The following PCNX1 variants were observed in gnomAD, a reference collection of about 807,000 sequenced individuals.
The protein encoded by PCNX1 is pecanex-like protein 1.
A neutral mutation model predicts 242.2 loss-of-function variants in PCNX1; 78 were observed. That is an observed-to-expected ratio of 0.32 (90% CI 0.27 to 0.39). PCNX1 has a LOEUF of 0.39. Among genes scored for constraint, PCNX1 ranks in the 10% least tolerant of loss-of-function variants. The pLI is 1.00. For missense variants in PCNX1, 2,581 were observed against 2,856.5 expected, an observed-to-expected ratio of 0.90 and a Z score of 2.20; for synonymous variants, 1,024 against 1,032.9, an observed-to-expected ratio of 0.99 and a Z score of 0.17.
intron 33 of PCNX1, among the ~76,000 whole-genome samples, chr14:71,106,387 C>CTTGGTT (rs1171242151): frequency 6.6e-6 from 1 of 152,144 alleles, no homozygotes; most frequent in Non-Finnish European, 1.5e-5. Context: ...TGGACAATTA[C>CTTGGTT]TTGGTTTTTC....
chr14:71,023,120 T>C (rs113665877), intron 12 of PCNX1, 80 bp from the exon 13 acceptor site: 2 of 998,262 alleles, frequency 2.0e-6, no homozygotes, highest in Non-Finnish European at 3.2e-6. Context: ...TTAAAATCAT[T>C]CATTTCAGGC....
At chr14:70,984,682 T>A (rs2058946403) in intron 6 of PCNX1, among the ~76,000 whole-genome samples, 1 of 152,036 alleles carries the variant, frequency 6.6e-6, no homozygotes, top group South Asian at 2.1e-4. Flanking sequence ...CACCGCGACC[T>A]GCCGACATCA....
intron 1 of PCNX1, among the ~76,000 whole-genome samples, 189 bp from the exon 2 acceptor site, chr14:70,946,726 C>T (rs1397707785): frequency 6.6e-6 from 1 of 152,162 alleles, no homozygotes; most frequent in Non-Finnish European, 1.5e-5. Flanking sequence ...ATTTCAGTTA[C>T]TCAGTAGCCA....
At chr14:71,106,036 C>T (rs952413173) in intron 33 of PCNX1, among the ~76,000 whole-genome samples, 15 of 151,046 alleles carry the variant, frequency 9.9e-5, no homozygotes, top group African/African-American at 3.6e-4. Flanking sequence ...TTTTTTGAGA[C>T]AGAGTCTCAC....
At chr14:70,994,927 A>G (rs1202101353) in intron 7 of PCNX1, among the ~76,000 whole-genome samples, 4 of 152,112 alleles carry the variant, frequency 2.6e-5, no homozygotes, top group Non-Finnish European at 4.4e-5. Flanking sequence ...ACTTAGGCCT[A>G]ATATCCTTTG....
chr14:71,006,099 GTGTC>G (rs1317017284), intron 8 of PCNX1, among the ~76,000 whole-genome samples: 23 of 101,670 alleles, frequency 2.3e-4, no homozygotes, highest in Non-Finnish European at 4.3e-4. Context: ...GTACGTGTGT[GTGTC>G]TGTGTGTGTG....
chr14:71,022,473 A>C lies in PCNX1; in HGVS notation c.3151-727A>C, dbSNP rs528637439. On this transcript the variant is annotated intron_variant, in intron 12 of 35. Transcript: ENST00000304743. The stretch of plus-strand genomic sequence containing the variant: ...AAGAGTTTAAAGATTATCTGGAGTC[A>C]AATCTAGCCAAGGGCCAAATGCCAA... 5.3e-5 allele frequency among the ~76,000 whole-genome samples: 8 copies of C among 152,304 alleles called. No individual in the cohort carries two copies. In the East Asian group the frequency reaches 1.3e-3, roughly 26 times the overall value.
At chr14:71,085,027 A>G (rs1566789101) in intron 28 of PCNX1, among the ~76,000 whole-genome samples, 1 of 152,198 alleles carries the variant, frequency 6.6e-6, no homozygotes, top group Admixed American at 6.5e-5. Context: ...TGGGAAAAGC[A>G]TAGTATCTGG....
chr14:71,014,995 A>G (rs187474077), intron 11 of PCNX1, among the ~76,000 whole-genome samples: 5 of 152,342 alleles, frequency 3.3e-5, no homozygotes, highest in Non-Finnish European at 5.9e-5. Flanking sequence ...TAAGGAAGAC[A>G]TCCTTTTTAT....
chr14:70,978,481 C>A lies in PCNX1; in HGVS notation c.2144C>A (p.Pro715His). 3.7e-6 allele frequency: 6 copies of A among 1,614,110 alleles called. No homozygotes were observed. In the South Asian group the frequency reaches 6.6e-5, roughly 18 times the overall value. ...TTAATGGCACCTGAAAGTATAAAGCCCTTAACCACTTCAAAATCAGATCTT... is the reference window on the plus strand; with the variant it reads ...TTAATGGCACCTGAAAGTATAAAGCACTTAACCACTTCAAAATCAGATCTT... ...NRLMAPESIK[P>H]LTTSKSDLEA... Residue 715 changes from proline (P) to histidine (H), a missense_variant, in exon 6 of 36, where the codon CCC (proline) becomes CAC (histidine). Pro to His is a moderately conservative substitution (Grantham distance 77). Transcript: ENST00000304743.
intron 3 of PCNX1, among the ~76,000 whole-genome samples, chr14:70,966,962 G>A (rs2058398896): frequency 6.6e-6 from 1 of 152,092 alleles, no homozygotes; most frequent in African/African-American, 2.4e-5. Context: ...CTAATTGAAA[G>A]CAGAAATTAG....
chr14:70,977,918 C>T lies in PCNX1; in HGVS notation c.1581C>T (p.Ser527=). ...ATAAGTCAGCTGTTTCTGTGGATTC[C>T]AAAGTGCGTAAAGATGTTGGTGGAA... is the stretch of plus-strand genomic sequence containing the variant. ...KSDKSAVSVD[S]KVRKDVGGKQ... Residue 527 remains serine, a synonymous_variant, in exon 6 of 36, where the codon TCC becomes TCT. Transcript: ENST00000304743. The T allele has an allele frequency of 6.2e-7, 1 of 1,614,054 alleles. No individual in the cohort carries two copies.
intron 1 of PCNX1, among the ~76,000 whole-genome samples, chr14:70,928,261 G>A (rs2056664193): frequency 6.6e-6 from 1 of 152,128 alleles, no homozygotes; most frequent in Non-Finnish European, 1.5e-5. Context: ...CATTTTGTGA[G>A]GTATGTTAAA....
intron 30 of PCNX1, among the ~76,000 whole-genome samples, chr14:71,099,249 C>G (rs2062395821): frequency 6.6e-6 from 1 of 150,766 alleles, no homozygotes; most frequent in Non-Finnish European, 1.5e-5. Context: ...AGCTTGGCCT[C>G]CTGGTTTCCT....
chr14:70,955,142 T>A (rs1252911735), intron 2 of PCNX1, among the ~76,000 whole-genome samples: 1 of 152,070 alleles, frequency 6.6e-6, no homozygotes, highest in Non-Finnish European at 1.5e-5. Context: ...CAGTCACTAA[T>A]TTTTTTTATA....
chr14:70,950,441 A>G (rs1471131802), intron 2 of PCNX1, among the ~76,000 whole-genome samples: 1 of 152,176 alleles, frequency 6.6e-6, no homozygotes, highest in Non-Finnish European at 1.5e-5. Context: ...AAATTTAAAT[A>G]TTAGATAACT....
At chr14:70,992,056 T>C (rs576008598) in intron 7 of PCNX1, among the ~76,000 whole-genome samples, 2 of 152,258 alleles carry the variant, frequency 1.3e-5, no homozygotes, top group Non-Finnish European at 2.9e-5. Flanking sequence ...TTCAGAATTA[T>C]TTTTTAAAGT....
chr14:71,059,140 GTTC>G (rs1225905104), intron 26 of PCNX1, among the ~76,000 whole-genome samples: 3 of 152,072 alleles, frequency 2.0e-5, no homozygotes. Flanking sequence ...AGGGGGGGTG[GTTC>G]TTCTTACCAT....
chr14:71,108,936 C>T lies in PCNX1; in HGVS notation c.6634C>T (p.Leu2212Phe). 1 of 1,614,242 alleles carries T rather than the reference C, an allele frequency of 6.2e-7. No homozygotes were observed. Among genetic ancestry groups the T allele is most frequent in the Non-Finnish European group, 8.5e-7 (1 of 1,180,032 alleles). Residue 2212 changes from leucine to phenylalanine, a missense_variant, in exon 34 of 36, where the codon CTT (leucine) becomes TTT (phenylalanine). By Grantham distance (22) the Leu-to-Phe change is conservative. Transcript: ENST00000304743. ...ACKHHTLVGF[L>F]ATEGGQSSAT... ...CAAACATCACACTCTCGTGGGCTTT[C>T]TTGCGACAGAGGGAGGTCAGAGCAG...
Sources: allele counts gnomAD v4.1 joint callset (sites outside exome capture counted in the v4.1 genomes callset), GRCh38; gene constraint gnomAD v4.1.1; transcripts MANE v1.5; gene names NCBI Gene and HGNC (gene_info 2026-07-23, HGNC 2026-07-21).